EZR: variants seen among roughly 807,000 people sequenced by gnomAD.
The protein encoded by EZR is cytovillin 2.
A neutral mutation model predicts 74.8 loss-of-function variants in EZR; 40 were observed. That is an observed-to-expected ratio of 0.53 (90% confidence interval 0.42 to 0.70). EZR has a LOEUF of 0.70. Among genes scored for constraint, EZR ranks in the 30% least tolerant of loss-of-function variants. EZR has a pLI of 0.00. For synonymous variants in EZR, 341 were observed against 283.3 expected (o/e 1.20, Z -2.05); for missense variants, 678 against 755.8 (o/e 0.90, Z 1.21).
intron 2 of EZR, among the ~76,000 whole-genome samples, chr6:158,798,369 C>CTA (rs1698669812): frequency 6.6e-6 from 1 of 152,212 alleles, no homozygotes; most frequent in Admixed American, 6.5e-5. Context: ...TTTTTAAAAA[C>CTA]TAAACTTTTT....
intron 2 of EZR, among the ~76,000 whole-genome samples, chr6:158,806,323 T>C (rs1777338048): frequency 6.6e-6 from 1 of 152,190 alleles, no homozygotes; most frequent in Admixed American, 6.5e-5. Context: ...GTAAAGCATC[T>C]CTCCCTTTCT....
intron 7 of EZR, among the ~76,000 whole-genome samples, chr6:158,778,840 CAT>C (rs1791351329): frequency 6.6e-6 from 1 of 152,198 alleles, no homozygotes; most frequent in African/African-American, 2.4e-5. Context: ...GACCGAAACA[CAT>C]ATCCATGAGT....
At chr6:158,780,880 G>A (rs551562867) in intron 7 of EZR, among the ~76,000 whole-genome samples, 1 of 152,282 alleles carries the variant, frequency 6.6e-6, no homozygotes, top group South Asian at 2.1e-4. Flanking sequence ...CCTATTCCAA[G>A]CTAAGGGTTT....
rs116154057 is a variant in EZR, at chr6:158,777,817, T to C, written c.699-1313A>G. 4.5e-3 allele frequency among the ~76,000 whole-genome samples: 685 copies of C among 152,254 alleles called. 6 individuals are homozygous for C. The highest frequency in any genetic ancestry group is 0.016 in the African/African-American group (644 of 41,536). On this transcript the variant is annotated intron_variant, in intron 7 of 13. Transcript: ENST00000367075. ...AGTCATGGTGTGCCTGCAGGAATGA[T>C]GGCAGGACACTGGCCAGACCATGGT...
chr6:158,770,761 G>A lies in EZR; in HGVS notation c.1090+3C>T, dbSNP rs1200590104. The stretch of plus-strand genomic sequence containing the variant: ...GTAGAGTGCCAGCCCCAGGGCGCCT[G>A]ACCTCTCTCTGCCTTCTTTGTCTTC... On this transcript the variant is annotated splice_donor_region_variant and intron_variant, in intron 10 of 13. Transcript: ENST00000367075. The A allele has an allele frequency of 1.2e-6, 2 of 1,614,124 alleles. No individual in the cohort carries two copies. Among genetic ancestry groups the A allele is most frequent in the Non-Finnish European group, 1.7e-6 (2 of 1,180,026 alleles).
At chr6:158,790,264 A>G (rs1791702246) in intron 2 of EZR, among the ~76,000 whole-genome samples, 1 of 152,266 alleles carries the variant, frequency 6.6e-6, no homozygotes, top group Non-Finnish European at 1.5e-5. Context: ...TAGACAAGAC[A>G]TGAAAATAAA....
chr6:158,774,465 G>A (rs1791208921), intron 8 of EZR, among the ~76,000 whole-genome samples: 1 of 151,992 alleles, frequency 6.6e-6, no homozygotes, highest in Admixed American at 6.6e-5. Context: ...ACCAGGGTAG[G>A]AGCTTTGCCT....
At chr6:158,767,133 G>A (rs1051779105) in intron 13 of EZR, 55 bp from the exon 14 acceptor site, 132 of 1,600,548 alleles carry the variant, frequency 8.2e-5, no homozygotes, top group South Asian at 4.9e-4. Flanking sequence ...GGCCCGGCCC[G>A]TCCCCTAGGA....
rs772925836 is a variant in EZR, at chr6:158,767,358, C to T, written c.1499G>A (p.Ser500Asn). 6.2e-7 allele frequency: 1 copy of T among 1,614,096 alleles called. No homozygotes were observed. Among genetic ancestry groups the T allele is most frequent in the Non-Finnish European group, 8.5e-7 (1 of 1,180,026 alleles). Residue 500 changes from serine (S) to asparagine (N), a missense_variant, in exon 13 of 14, where the codon AGC (serine) becomes AAC (asparagine). Transcript: ENST00000367075. Reference sequence around the variant, plus strand: ...GATGCCCTCACTAGACAGCTCCGCGCTGTAGCCCGTGGGCTCTGCGCCCTC... The same window carrying T: ...GATGCCCTCACTAGACAGCTCCGCGTTGTAGCCCGTGGGCTCTGCGCCCTC... The part of the protein sequence containing the change: ...QDEGAEPTGY[S>N]AELSSEGIRD...
intron 7 of EZR, 59 bp downstream of exon 7, chr6:158,783,461 G>T (rs2128569674): frequency 6.7e-7 from 1 of 1,499,268 alleles, no homozygotes; most frequent in Non-Finnish European, 9.0e-7. Flanking sequence ...TTGCCATTTT[G>T]CCATTGTTTC....
intron 12 of EZR, among the ~76,000 whole-genome samples, chr6:158,767,939 C>T (rs1432239757): frequency 6.6e-6 from 1 of 152,062 alleles, no homozygotes; most frequent in Non-Finnish European, 1.5e-5. Flanking sequence ...CCAGCCAGCC[C>T]TAGAGTTGAG....
Position 158,789,283 on chromosome 6 carries a change from C to T in EZR, c.96+5G>A. ...TGGAGTTAACTCTCAAGTTCAGAGA[C>T]CAACCTGATCAAAAAGCTGTTTTCC... On this transcript the variant is annotated splice_donor_5th_base_variant and intron_variant, in intron 3 of 13. Coordinates refer to ENST00000367075, the MANE Select transcript of EZR (RefSeq NM_001111077.2). 6.2e-7 allele frequency: 1 copy of T among 1,612,636 alleles called. No individual in the cohort carries two copies. The highest frequency in any genetic ancestry group is 8.5e-7 in the Non-Finnish European group (1 of 1,178,830).
chr6:158,793,435 T>C (rs1791793765), intron 2 of EZR, among the ~76,000 whole-genome samples: 1 of 152,090 alleles, frequency 6.6e-6, no homozygotes, highest in Non-Finnish European at 1.5e-5. Flanking sequence ...TAGGGCAGGC[T>C]CTACAATCTG....
At chr6:158,789,979 C>A (rs1791691933) in intron 2 of EZR, among the ~76,000 whole-genome samples, 1 of 152,150 alleles carries the variant, frequency 6.6e-6, no homozygotes, top group Non-Finnish European at 1.5e-5. Context: ...CATGCACCAT[C>A]TCATATGAGC....
At chr6:158,767,112 C>T (rs776075375) in intron 13 of EZR, 34 bp from the exon 14 acceptor site, 3 of 1,612,386 alleles carry the variant, frequency 1.9e-6, no homozygotes, top group Admixed American at 3.3e-5. Flanking sequence ...CTAGTCCCTT[C>T]CTCCCCATAT....
chr6:158,783,288 C>T (rs1275886830), intron 7 of EZR, among the ~76,000 whole-genome samples: 1 of 150,692 alleles, frequency 6.6e-6, no homozygotes, highest in African/African-American at 2.4e-5. Flanking sequence ...CCTTCCTCTA[C>T]CAGGACTGAG....
chr6:158,818,339 GGGGCC>G (rs534358845), intron 1 of EZR, 173 bp from the exon 2 acceptor site: 25 of 240,468 alleles, frequency 1.0e-4, no homozygotes, highest in Middle Eastern at 1.3e-3. Flanking sequence ...CGGGCGGGGC[GGGGCC>G]GGGCCGGGCC....
intron 2 of EZR, among the ~76,000 whole-genome samples, chr6:158,792,470 T>C (rs369482745): frequency 2.0e-5 from 3 of 152,108 alleles, no homozygotes; most frequent in Admixed American, 6.6e-5. Flanking sequence ...AGCAAGTAAC[T>C]TGTAAAACGG....
At chr6:158,818,038 T>G in intron 2 of EZR, 44 bp downstream of exon 2, 1 of 1,601,036 alleles carries the variant, frequency 6.2e-7, no homozygotes, top group Non-Finnish European at 8.5e-7. Flanking sequence ...CCCTCTCCAA[T>G]GAAGCCTCTC....
Sources: allele counts gnomAD v4.1 joint callset (sites outside exome capture counted in the v4.1 genomes callset), GRCh38; gene constraint gnomAD v4.1.1; transcripts MANE v1.5; gene names NCBI Gene and HGNC (gene_info 2026-07-23, HGNC 2026-07-21).